LRP2: variants seen among roughly 807,000 people sequenced by gnomAD.
LRP2 encodes LDL receptor related protein 2.
Under a neutral mutation model 531.0 loss-of-function variants are expected in LRP2, and 172 were observed. That is an observed-to-expected ratio of 0.32 (90% CI 0.29 to 0.37). The LOEUF is 0.37. Ranked by LOEUF, LRP2 falls within the 10% of genes least tolerant of loss-of-function variation. The pLI, the probability that LRP2 is intolerant of heterozygous loss-of-function variation, is 1.00. For missense variants in LRP2, 5,167 were observed against 5,868.3 expected (o/e 0.88, Z 3.90); for synonymous variants, 1,992 against 2,027.6 (o/e 0.98, Z 0.47).
Position 169,291,005 on chromosome 2 carries a change from G to C in LRP2, c.770-8C>G. 1.2e-6 allele frequency: 2 copies of C among 1,613,428 alleles called. No homozygotes were observed. The highest frequency in any genetic ancestry group is 1.7e-5 in the Admixed American group (1 of 59,910). On this transcript the variant is annotated splice_region_variant and splice_polypyrimidine_tract_variant and intron_variant, in intron 7 of 78. Coordinates refer to ENST00000649046, the MANE Select transcript of LRP2 (RefSeq NM_004525.3). ...CATCATGAGGACCGCTTTCTGTGGG[G>C]GGAAAAAGAGAGAGTTACAGGCCAT...
At chr2:169,261,886 C>T in intron 16 of LRP2, among the ~76,000 whole-genome samples, 1 of 151,630 alleles carries the variant, frequency 6.6e-6, no homozygotes, top group Non-Finnish European at 1.5e-5. Flanking sequence ...CATCAAAAAG[C>T]TTATCCACCA....
At chr2:169,317,158 A>C (rs1161345346) in intron 3 of LRP2, among the ~76,000 whole-genome samples, 5 of 152,224 alleles carry the variant, frequency 3.3e-5, no homozygotes, top group Non-Finnish European at 7.3e-5. Context: ...TTTTAAAATG[A>C]CTGCTATAAA....
intron 77 of LRP2, 69 bp downstream of exon 77, chr2:169,132,505 T>C (rs73030803): frequency 1.2e-6 from 1 of 855,636 alleles, no homozygotes; most frequent in East Asian, 2.4e-5. Context: ...TTGCTTAAGG[T>C]TAATAAAAAC....
At chr2:169,245,751 A>G (rs557389026) in intron 21 of LRP2, among the ~76,000 whole-genome samples, 82 of 152,368 alleles carry the variant, frequency 5.4e-4, no homozygotes, top group African/African-American at 1.7e-3. Flanking sequence ...ATGGGAGAAA[A>G]GGAATATAAC....
chr2:169,216,160 T>C, intron 35 of LRP2, 93 bp downstream of exon 35: 1 of 1,333,870 alleles, frequency 7.5e-7, no homozygotes, highest in South Asian at 1.2e-5. Flanking sequence ...CCAAGTAAGA[T>C]TGTTCAAGAA....
chr2:169,135,434 C>T (rs534238789), intron 76 of LRP2, among the ~76,000 whole-genome samples: 85 of 152,326 alleles, frequency 5.6e-4, no homozygotes, highest in African/African-American at 1.8e-3. Flanking sequence ...GTCATTTCTT[C>T]CCTTCTGTCA....
chr2:169,292,550 A>G (rs1423274138), intron 6 of LRP2, among the ~76,000 whole-genome samples, 181 bp from the exon 7 acceptor site: 2 of 152,216 alleles, frequency 1.3e-5, no homozygotes, highest in Non-Finnish European at 2.9e-5. Flanking sequence ...AAAGAAGAAG[A>G]TAACAGCAGC....
chr2:169,229,221 T>C lies in LRP2; in HGVS notation c.5227+2493A>G, dbSNP rs575624864. On this transcript the variant is annotated intron_variant, in intron 31 of 78. Transcript: ENST00000649046. ...AGGTGGTGACGGTTAAGTAGGTCAG[T>C]GTGTCTCTGTCTTTTGAAGTTAAAG... 6.6e-5 allele frequency among the ~76,000 whole-genome samples: 10 copies of C among 152,306 alleles called. No homozygotes were observed. The South Asian group carries it at 2.1e-3, about 32-fold the overall frequency.
intron 53 of LRP2, among the ~76,000 whole-genome samples, chr2:169,176,806 G>A (rs973239401): frequency 3.3e-5 from 5 of 152,190 alleles, no homozygotes; most frequent in African/African-American, 9.7e-5. Context: ...TATGCTACCA[G>A]AAGTGAGCTA....
At position 169,173,093 on chromosome 2, in the gene LRP2, T is replaced by C; in HGVS notation, c.11143+3A>G. 1 of 1,614,204 alleles carries C rather than the reference T, an allele frequency of 6.2e-7. No individual in the cohort carries two copies. On this transcript the variant is annotated splice_donor_region_variant and intron_variant, in intron 57 of 78. Coordinates refer to ENST00000649046, the MANE Select transcript of LRP2 (RefSeq NM_004525.3). The stretch of plus-strand genomic sequence containing the variant: ...CCCTCCACTCCCCTGTGGCCCCTCC[T>C]ACCACAGCCTTGCTCATCACTGTTG...
chr2:169,152,642 T>A (rs528911539), intron 67 of LRP2, among the ~76,000 whole-genome samples, 157 bp downstream of exon 67: 2 of 152,260 alleles, frequency 1.3e-5, no homozygotes, highest in African/African-American at 4.8e-5. Context: ...GTGGAGGTAG[T>A]TGCTGGGGCT....
intron 75 of LRP2, among the ~76,000 whole-genome samples, chr2:169,138,267 T>A (rs1165483117): frequency 6.6e-6 from 1 of 152,142 alleles, no homozygotes; most frequent in Non-Finnish European, 1.5e-5. Flanking sequence ...AAACAAAATA[T>A]CATGTCCTCC....
chr2:169,247,527 C>A lies in LRP2; in HGVS notation c.2771-12G>T, dbSNP rs766198252. The A allele has an allele frequency of 6.2e-7, 1 of 1,614,000 alleles. No individual in the cohort carries two copies. The highest frequency in any genetic ancestry group is 1.7e-5 in the Admixed American group (1 of 60,026). On this transcript the variant is annotated splice_polypyrimidine_tract_variant and intron_variant, in intron 19 of 78. Coordinates refer to ENST00000649046, the MANE Select transcript of LRP2 (RefSeq NM_004525.3). The stretch of plus-strand genomic sequence containing the variant: ...AAAAAATAAATGCTCTGAAAAGAAA[C>A]ATGGGTAGATTAGTATTTTCAGTCA...
At chr2:169,313,399 C>T (rs56902755) in intron 3 of LRP2, among the ~76,000 whole-genome samples, 5,521 of 150,864 alleles carry the variant, frequency 0.037, 161 homozygotes, top group East Asian at 0.097. Context: ...GGTGTAGATG[C>T]CCTTTCTGTT....
intron 46 of LRP2, among the ~76,000 whole-genome samples, chr2:169,195,904 T>C (rs1250618725): frequency 6.6e-6 from 1 of 152,204 alleles, no homozygotes; most frequent in Non-Finnish European, 1.5e-5. Context: ...ACTATACTAA[T>C]GATCCTAAGA....
intron 1 of LRP2, among the ~76,000 whole-genome samples, chr2:169,351,418 T>G (rs955275550): frequency 2.0e-5 from 3 of 152,186 alleles, no homozygotes; most frequent in Non-Finnish European, 2.9e-5. Flanking sequence ...AGGGGACAAT[T>G]GCAGAGAGGT....
chr2:169,152,592 A>G (rs935944538), intron 67 of LRP2, among the ~76,000 whole-genome samples: 1 of 152,156 alleles, frequency 6.6e-6, no homozygotes, highest in Non-Finnish European at 1.5e-5. Context: ...CCCACAAAGA[A>G]TACAGGATAT....
intron 3 of LRP2, among the ~76,000 whole-genome samples, chr2:169,315,202 A>G (rs757538248): frequency 6.6e-5 from 10 of 152,238 alleles, no homozygotes; most frequent in Non-Finnish European, 1.3e-4. Context: ...CCTATAATGT[A>G]CCACACAGTA....
intron 16 of LRP2, among the ~76,000 whole-genome samples, chr2:169,266,066 C>T (rs1287106332): frequency 6.6e-6 from 1 of 151,724 alleles, no homozygotes; most frequent in African/African-American, 2.4e-5. Flanking sequence ...AAATGTCATC[C>T]TAGAATACTA....
Sources: gnomAD v4.1 joint callset for allele counts (sites outside exome capture counted in the v4.1 genomes callset) on GRCh38, gnomAD v4.1.1 for gene constraint, MANE v1.5 for transcripts, NCBI Gene and HGNC (gene_info 2026-07-23, HGNC 2026-07-21) for gene names.